Variants in STRIP2 observed in about 807,000 individuals in gnomAD.
STRIP2 encodes striatin interacting protein 2.
STRIP2 carries 84 observed loss-of-function variants against 107.1 expected under a neutral mutation model. The ratio of observed to expected loss-of-function variants is 0.78; its 90% confidence interval spans 0.66 to 0.94. The LOEUF is 0.94. Ranked by LOEUF, STRIP2 falls within the 40% of genes least tolerant of loss-of-function variation. The probability of loss-of-function intolerance (pLI) is 0.00; values close to 1 mark genes in which losing one functional copy is unlikely to be tolerated. For missense variants in STRIP2, 888 were observed against 1,034.2 expected (o/e 0.86, Z 1.94); for synonymous variants, 394 against 400.4 (o/e 0.98, Z 0.19).
chr7:129,477,185 G>A lies in STRIP2; in HGVS notation c.1945-3600G>A, dbSNP rs568002271. ...CCGTGGAAAGAGGGAGAGGGAGACC[G>A]TGGGGAGAGGGAGGGGGAGGGGGAG... On this transcript the variant is annotated intron_variant, in intron 18 of 20. Coordinates refer to ENST00000249344, the MANE Select transcript of STRIP2 (RefSeq NM_020704.3). Among the ~76,000 whole-genome samples, 623 of 72,424 alleles carry A rather than the reference G, an allele frequency of 8.6e-3. 2 individuals are homozygous for A. The Middle Eastern group carries it at 0.11, about 13-fold the overall frequency. The allele number at this position is 72,424 out of a possible 152,430, so 47.5% of individuals were successfully genotyped here.
In STRIP2 at chr7:129,467,370, T is replaced by C; in HGVS notation, c.1797T>C (p.His599=). ...HIYQFEYVSQ[H]LVFANCIPLI... ...TTCAGTTTGAATATGTATCGCAACA[T>C]TTGGTATTTGCCAACTGCATCCCCT... is the stretch of plus-strand genomic sequence containing the variant. Residue 599 remains histidine (H), a synonymous_variant, in exon 17 of 21, where the codon CAT becomes CAC. Coordinates refer to ENST00000249344, the MANE Select transcript of STRIP2 (RefSeq NM_020704.3). 1 of 1,613,670 alleles carries C rather than the reference T, an allele frequency of 6.2e-7. No individual in the cohort carries two copies. The highest frequency in any genetic ancestry group is 1.1e-5 in the South Asian group (1 of 91,056).
intron 14 of STRIP2, among the ~76,000 whole-genome samples, chr7:129,463,649 C>T (rs1001261313): frequency 3.3e-5 from 5 of 152,230 alleles, no homozygotes; most frequent in Admixed American, 3.3e-4. Flanking sequence ...GCACATGCCA[C>T]CACGCCAGCT....
At chr7:129,449,074 A>T (rs1018817861) in intron 3 of STRIP2, among the ~76,000 whole-genome samples, 4 of 152,130 alleles carry the variant, frequency 2.6e-5, no homozygotes, top group African/African-American at 9.7e-5. Context: ...CCATCTTTTA[A>T]TCCATAATTC....
In STRIP2 at chr7:129,456,141, C is replaced by CTTTTTTT. The variant is rs775446984; in HGVS notation, c.835-296_835-290dup. ...TGTTCCTTAAAAAAGTCGATAGTTTCTTTTTTTTCTTTTTTTTTTTTTTTG... is the reference window on the plus strand; with the variant it reads ...TGTTCCTTAAAAAAGTCGATAGTTTCTTTTTTTTTTTTTTTCTTTTTTTTTTTTTTTG... On this transcript the variant is annotated intron_variant, in intron 8 of 20. Coordinates refer to ENST00000249344, the MANE Select transcript of STRIP2 (RefSeq NM_020704.3). Among the ~76,000 whole-genome samples, 7 of 81,006 alleles carry CTTTTTTT rather than the reference C, an allele frequency of 8.6e-5. 1 individual carries two copies. The highest frequency in any genetic ancestry group is 1.6e-4 in the Non-Finnish European group (6 of 36,804). The allele number at this position is 81,006 out of a possible 152,430, so 53.1% of individuals were successfully genotyped here.
chr7:129,482,540 G>C (rs1381770165), intron 19 of STRIP2, among the ~76,000 whole-genome samples: 1 of 151,686 alleles, frequency 6.6e-6, no homozygotes, highest in Non-Finnish European at 1.5e-5. Context: ...ACCACGCCTG[G>C]CTAATTTTTG....
intron 18 of STRIP2, among the ~76,000 whole-genome samples, chr7:129,479,705 T>C (rs1453997665): frequency 1.3e-5 from 2 of 152,070 alleles, no homozygotes; most frequent in African/African-American, 4.8e-5. Flanking sequence ...TTGGCCAAGC[T>C]GGTCTCGAAC....
intron 2 of STRIP2, 83 bp downstream of exon 2, chr7:129,440,174 C>G: frequency 1.7e-6 from 2 of 1,195,064 alleles, no homozygotes; most frequent in Non-Finnish European, 2.5e-6. Context: ...GGAAGCTTGT[C>G]TGTTCTCACC....
At chr7:129,482,377 A>ATTTTTTTT (rs869099836) in intron 19 of STRIP2, among the ~76,000 whole-genome samples, 1 of 69,030 alleles carries the variant, frequency 1.4e-5, no homozygotes. Context: ...ATATATATAT[A>ATTTTTTTT]TTTTTTTTTT....
At chr7:129,436,777 A>G (rs1797752323) in intron 1 of STRIP2, among the ~76,000 whole-genome samples, 2 of 152,190 alleles carry the variant, frequency 1.3e-5, no homozygotes, top group Non-Finnish European at 2.9e-5. Context: ...GGCACAAGTC[A>G]AGAGAGCCTC....
In STRIP2 at chr7:129,485,713, G is replaced by A. The variant is rs760420426; in HGVS notation, c.2389G>A (p.Val797Ile). The change falls in exon 21 of 21, where the codon GTA (valine) becomes ATA (isoleucine). Residue 797 changes from valine (V) to isoleucine (I), a missense_variant. By Grantham distance (29) the Val-to-Ile change is conservative (BLOSUM62 3). Coordinates refer to ENST00000249344, the MANE Select transcript of STRIP2 (RefSeq NM_020704.3). ...FSPVDNCLQS[V>I]LGQRLDLPED... is the part of the protein sequence containing the mutation. Reference sequence around the variant, plus strand: ...ACCTGTGGATAACTGCTTGCAGAGCGTACTGGGGCAGAGGTTGGATCTGCC... The same window carrying A: ...ACCTGTGGATAACTGCTTGCAGAGCATACTGGGGCAGAGGTTGGATCTGCC... The A allele has an allele frequency of 2.5e-5, 40 of 1,614,040 alleles. No individual in the cohort carries two copies. The highest frequency in any genetic ancestry group is 1.1e-4 in the African/African-American group (8 of 74,902).
chr7:129,438,673 CA>C (rs1797816990), intron 1 of STRIP2, among the ~76,000 whole-genome samples: 1 of 152,160 alleles, frequency 6.6e-6, no homozygotes, highest in East Asian at 1.9e-4. Flanking sequence ...CTCAGTCCTA[CA>C]AGGCCCTACG....
intron 2 of STRIP2, among the ~76,000 whole-genome samples, chr7:129,441,355 T>TCTA (rs200345697): frequency 0.012 from 1,889 of 152,204 alleles, 38 homozygotes; most frequent in African/African-American, 0.043. Context: ...ACCCAACAAG[T>TCTA]CTACTCCTAG....
In STRIP2 at chr7:129,458,249, A is replaced by G. The variant is rs1342428387; in HGVS notation, c.1073A>G (p.Tyr358Cys). 6 of 1,614,072 alleles carry G rather than the reference A, an allele frequency of 3.7e-6. No homozygotes were observed. Among genetic ancestry groups the G allele is most frequent in the East Asian group, 2.2e-5 (1 of 44,902 alleles). The change falls in exon 10 of 21, where the codon TAC (tyrosine) becomes TGC (cysteine). Residue 358 changes from tyrosine (Y) to cysteine (C), a missense_variant. Tyr to Cys is a radical substitution (Grantham distance 194). Transcript: ENST00000249344. The surrounding 1 kb of genome is among the most constrained non-coding windows in gnomAD (Gnocchi z 4.6). ...ACTAAGCAGGACAGCCTGGACATCT[A>G]CAATGAAAGGGATCTCTTCAAGACT... ...LLTKQDSLDI[Y>C]NERDLFKTEE... is the part of the protein sequence containing the mutation.
intron 7 of STRIP2, among the ~76,000 whole-genome samples, chr7:129,454,997 G>T (rs939430556): frequency 1.4e-4 from 21 of 152,232 alleles, no homozygotes; most frequent in Admixed American, 1.2e-3. Flanking sequence ...GTTACTTCTA[G>T]TTTGGCATCC....
Position 129,483,032 on chromosome 7 carries a change from G to A in STRIP2, c.2240G>A (p.Trp747Ter), listed in dbSNP as rs748410027. 1 of 1,614,164 alleles carries A rather than the reference G, an allele frequency of 6.2e-7. No individual in the cohort carries two copies. Among genetic ancestry groups the A allele is most frequent in the Admixed American group, 1.7e-5 (1 of 60,024 alleles). Reference protein sequence around the residue: ...QKVRHRMNDDWAYGNDIDARP... With the variant: ...QKVRHRMNDD ...GTGCGTCACCGCATGAACGATGACT[G>A]GGCTTACGGGAATGGTGAGTCTTCC... The change falls in exon 20 of 21, where the codon TGG (tryptophan) becomes TAG (stop). Residue 747 changes from tryptophan to a stop codon, truncating the protein, a stop_gained. Transcript: ENST00000249344. LOFTEE classifies it high-confidence loss of function. This position sits in a 1 kb window ranked among gnomAD's most constrained non-coding sequence, Gnocchi z 5.1.
chr7:129,485,614 G>A lies in STRIP2; in HGVS notation c.2290G>A (p.Glu764Lys). The change falls in exon 21 of 21, where the codon GAA (glutamate) becomes AAA (lysine). Residue 764 changes from glutamate to lysine, a missense_variant. Coordinates refer to ENST00000249344, the MANE Select transcript of STRIP2 (RefSeq NM_020704.3). ...DARPWDFQAEECTLRANIEAF... is the reference protein window; with the variant it reads ...DARPWDFQAEKCTLRANIEAF... ...CAGACCATGGGACTTCCAAGCAGAA[G>A]AATGTACCTTGAGGGCCAACATTGA... 6.2e-7 allele frequency: 1 copy of A among 1,613,966 alleles called. No homozygotes were observed. Among genetic ancestry groups the A allele is most frequent in the Admixed American group, 1.7e-5 (1 of 59,970 alleles).
chr7:129,463,972 AGGGTGTGG>A, intron 14 of STRIP2, 64 bp from the exon 15 acceptor site: 1 of 1,166,154 alleles, frequency 8.6e-7, no homozygotes, highest in Non-Finnish European at 1.3e-6. Flanking sequence ...TAGGGCGGTT[AGGGTGTGG>A]AAGAATCACT....
At chr7:129,436,273 T>C (rs1395551735) in intron 1 of STRIP2, among the ~76,000 whole-genome samples, 1 of 152,150 alleles carries the variant, frequency 6.6e-6, no homozygotes, top group Non-Finnish European at 1.5e-5. Context: ...AGTAAATAAA[T>C]AAAATAATTT....
At chr7:129,477,172 GGAGAGGGAGACCGTGGGGAGA>G in intron 18 of STRIP2, among the ~76,000 whole-genome samples, 1 of 142,130 alleles carries the variant, frequency 7.0e-6, no homozygotes, top group Non-Finnish European at 1.5e-5. Context: ...GTGGAAAGAG[GGAGAGGGAGACCGTGGGGAGA>G]GGGAGGGGGA....
Sources: gnomAD v4.1 joint callset for allele counts (sites outside exome capture counted in the v4.1 genomes callset) on GRCh38, gnomAD v4.1.1 for gene constraint, Gnocchi (gnomAD v3.1) non-coding constraint, MANE v1.5 for transcripts, NCBI Gene and HGNC (gene_info 2026-07-23, HGNC 2026-07-21) for gene names.